ROR1: variants seen among roughly 807,000 people sequenced by gnomAD.
ROR1 encodes the protein inactive tyrosine-protein kinase transmembrane receptor ROR1.
In ROR1, 19 loss-of-function variants were observed where a neutral mutation model predicts 78.8. The observed-to-expected ratio is 0.24, with a 90% CI of 0.17 to 0.35. The LOEUF (loss-of-function observed/expected upper bound fraction) is 0.35. Ranked by LOEUF, ROR1 falls within the 10% of genes least tolerant of loss-of-function variation. ROR1 has a pLI of 1.00. For synonymous variants in ROR1, 386 were observed against 433.6 expected, an observed-to-expected ratio of 0.89 and a Z score of 1.36; for missense variants, 917 against 1,177.8, an observed-to-expected ratio of 0.78 and a Z score of 3.24.
At position 64,178,270 on chromosome 1, in the gene ROR1, C is replaced by A; in HGVS notation, c.2229C>A (p.His743Gln). The A allele has an allele frequency of 1.2e-6, 2 of 1,614,100 alleles. No homozygotes were observed. Among genetic ancestry groups the A allele is most frequent in the Non-Finnish European group, 1.7e-6 (2 of 1,180,014 alleles). ...PSRRPRFKDI[H>Q]VRLRSWEGLS... is the part of the protein sequence containing the mutation. ...GGAGACCAAGATTTAAAGATATTCA[C>A]GTCCGGCTTCGGTCCTGGGAGGGAC... Residue 743 changes from histidine to glutamine, a missense_variant, in exon 9 of 9, where the codon CAC becomes CAA. Transcript: ENST00000371079. This position sits in a 1 kb window ranked among gnomAD's most constrained non-coding sequence, Gnocchi z 4.3.
intron 1 of ROR1, among the ~76,000 whole-genome samples, chr1:63,916,073 A>T (rs760894007): frequency 1.3e-5 from 2 of 152,170 alleles, no homozygotes; most frequent in African/African-American, 4.8e-5. Context: ...CATGCTATTT[A>T]TGCTACTCCC....
chr1:63,855,815 A>AT (rs34479737), intron 1 of ROR1, among the ~76,000 whole-genome samples: 16,555 of 147,786 alleles, frequency 0.11, 1,121 homozygotes, highest in Middle Eastern at 0.23. Context: ...CGCCCCACTA[A>AT]TTTTTTTTTT....
In ROR1 at chr1:64,009,275, C is replaced by T. The variant is rs754885666; in HGVS notation, c.92-30C>T. 3.9e-6 allele frequency: 6 copies of T among 1,532,390 alleles called. No homozygotes were observed. In the African/African-American group the frequency reaches 6.8e-5, roughly 17 times the overall value. 94.9% of individuals were successfully genotyped at this position (1,532,390 alleles called of 1,614,324 possible). Reference sequence around the variant, plus strand: ...TTACTATATTTAATATTGCCCTTGTCTTTCTCCCTTCCCTTCTTTTTCTTT... The same window carrying T: ...TTACTATATTTAATATTGCCCTTGTTTTTCTCCCTTCCCTTCTTTTTCTTT... On this transcript the variant is annotated intron_variant, in intron 1 of 8. Coordinates refer to ENST00000371079, the MANE Select transcript of ROR1 (RefSeq NM_005012.4).
At chr1:64,042,488 CA>C (rs1446930465) in intron 2 of ROR1, among the ~76,000 whole-genome samples, 1 of 152,152 alleles carries the variant, frequency 6.6e-6, no homozygotes, top group East Asian at 1.9e-4. Flanking sequence ...TGGTGTGACG[CA>C]GTCTATTATT....
At chr1:63,821,275 A>T (rs1201912784) in intron 1 of ROR1, among the ~76,000 whole-genome samples, 2 of 152,198 alleles carry the variant, frequency 1.3e-5, no homozygotes, top group African/African-American at 4.8e-5. Context: ...GGAAGTTCTG[A>T]TGGTGAAATT....
intron 8 of ROR1, among the ~76,000 whole-genome samples, chr1:64,175,436 T>C (rs988425613): frequency 6.6e-6 from 1 of 152,150 alleles, no homozygotes; most frequent in Non-Finnish European, 1.5e-5. Flanking sequence ...ATATTCTCTA[T>C]AGGGACATGG....
chr1:64,011,188 C>T (rs1646471905), intron 2 of ROR1, among the ~76,000 whole-genome samples: 1 of 152,168 alleles, frequency 6.6e-6, no homozygotes, highest in East Asian at 1.9e-4. Flanking sequence ...CCAAATTTGA[C>T]CTGACATTAT....
chr1:63,957,726 CTTTT>C (rs1201850103), intron 1 of ROR1, among the ~76,000 whole-genome samples: 1 of 151,140 alleles, frequency 6.6e-6, no homozygotes, highest in Non-Finnish European at 1.5e-5. Flanking sequence ...ATTGATAACC[CTTTT>C]TTTGTTTGTT....
At chr1:64,002,093 A>G (rs1367257613) in intron 1 of ROR1, among the ~76,000 whole-genome samples, 1 of 149,218 alleles carries the variant, frequency 6.7e-6, no homozygotes, top group Non-Finnish European at 1.5e-5. Context: ...CTCCCACCAG[A>G]CTGTAAGGTT....
chr1:63,784,522 T>C (rs1381572563), intron 1 of ROR1, among the ~76,000 whole-genome samples: 1 of 152,260 alleles, frequency 6.6e-6, no homozygotes, highest in African/African-American at 2.4e-5. Flanking sequence ...GGGATTTCTG[T>C]AACCTGGGAA....
At chr1:64,141,389 C>T (rs138989992) in intron 6 of ROR1, among the ~76,000 whole-genome samples, 1 of 152,144 alleles carries the variant, frequency 6.6e-6, no homozygotes, top group Non-Finnish European at 1.5e-5. Flanking sequence ...TGCTTTTAAA[C>T]GGCCATGAGA....
At chr1:63,839,402 A>ATCTG (rs201723867) in intron 1 of ROR1, among the ~76,000 whole-genome samples, 2 of 148,914 alleles carry the variant, frequency 1.3e-5, no homozygotes, top group Admixed American at 1.3e-4. Context: ...CTATCTATCT[A>ATCTG]ATTTGGCATC....
At chr1:63,885,315 A>G (rs1325990868) in intron 1 of ROR1, among the ~76,000 whole-genome samples, 1 of 152,180 alleles carries the variant, frequency 6.6e-6, no homozygotes, top group Non-Finnish European at 1.5e-5. Flanking sequence ...GGACGGGTAC[A>G]GTCTGGAAGC....
chr1:63,860,917 C>A (rs535314436), intron 1 of ROR1, among the ~76,000 whole-genome samples: 1 of 152,132 alleles, frequency 6.6e-6, no homozygotes, highest in Non-Finnish European at 1.5e-5. Context: ...TCCCTTATAA[C>A]AATGATGAAC....
chr1:63,852,800 G>A (rs1645122593), intron 1 of ROR1, among the ~76,000 whole-genome samples: 1 of 152,112 alleles, frequency 6.6e-6, no homozygotes, highest in Non-Finnish European at 1.5e-5. Context: ...ATTAACCATG[G>A]GAAACCTAGG....
At chr1:63,950,966 A>G (rs895730501) in intron 1 of ROR1, among the ~76,000 whole-genome samples, 3 of 152,228 alleles carry the variant, frequency 2.0e-5, no homozygotes, top group Non-Finnish European at 4.4e-5. Flanking sequence ...CCTTCATCGA[A>G]CAATACTCTT....
intron 1 of ROR1, among the ~76,000 whole-genome samples, chr1:63,892,750 A>T (rs1645407780): frequency 1.3e-5 from 2 of 152,142 alleles, no homozygotes; most frequent in Non-Finnish European, 2.9e-5. Flanking sequence ...AACCTTCTCT[A>T]AACTTAGGCT....
intron 2 of ROR1, among the ~76,000 whole-genome samples, chr1:64,041,427 A>G (rs1323441094): frequency 6.6e-6 from 1 of 152,208 alleles, no homozygotes; most frequent in Non-Finnish European, 1.5e-5. Context: ...CAATTTGTCT[A>G]TTTGTAAAAA....
chr1:64,056,245 T>C (rs1437377849), intron 4 of ROR1, among the ~76,000 whole-genome samples: 2 of 152,170 alleles, frequency 1.3e-5, no homozygotes, highest in Non-Finnish European at 2.9e-5. Flanking sequence ...TTTGAGGAAC[T>C]GCAAAACTGT....
Sources: gnomAD v4.1 joint callset for allele counts (sites outside exome capture counted in the v4.1 genomes callset) on GRCh38, gnomAD v4.1.1 for gene constraint, Gnocchi (gnomAD v3.1) non-coding constraint, MANE v1.5 for transcripts, NCBI Gene and HGNC (gene_info 2026-07-23, HGNC 2026-07-21) for gene names.